Variants in KCNH2 observed in about 807,000 individuals in gnomAD.
KCNH2 encodes potassium voltage-gated channel subfamily H member 2.
Under a neutral mutation model 95.9 loss-of-function variants are expected in KCNH2, and 35 were observed. The ratio of observed to expected loss-of-function variants is 0.37; its 90% CI spans 0.28 to 0.48. The LOEUF (loss-of-function observed/expected upper bound fraction) is 0.48, where lower values mean the gene tolerates loss of function less well. Ranked by LOEUF, KCNH2 falls within the 20% of genes least tolerant of loss-of-function variation. KCNH2 has a pLI of 0.99. For synonymous variants in KCNH2, 786 were observed against 754.7 expected (o/e 1.04, Z -0.68); for missense variants, 1,274 against 1,702.9 (o/e 0.75, Z 4.43).
chr7:150,969,255 G>A (rs1357595621), intron 2 of KCNH2, among the ~76,000 whole-genome samples: 1 of 152,204 alleles, frequency 6.6e-6, no homozygotes, highest in Non-Finnish European at 1.5e-5. Context: ...CCCATAAAGT[G>A]ACGGAGAGGA....
chr7:150,945,476 C>T lies in KCNH2; in HGVS notation c.3369G>A (p.Gly1123=), dbSNP rs1800856875. 2 of 1,557,044 alleles carry T rather than the reference C, an allele frequency of 1.3e-6. No individual in the cohort carries two copies. Among genetic ancestry groups the T allele is most frequent in the Non-Finnish European group, 1.7e-6 (2 of 1,151,132 alleles). Residue 1123 remains glycine, a synonymous_variant, in exon 15 of 15, where the codon GGG becomes GGA. Coordinates refer to ENST00000262186, the MANE Select transcript of KCNH2 (RefSeq NM_000238.4). This position sits in a 1 kb window ranked among gnomAD's most constrained non-coding sequence, Gnocchi z 5.6. ...GGCCTTCTTGGGGAAGCTCTGGGGC[C>T]CCCGGGGGCAGCTCCTCACACGCCA... is the stretch of plus-strand genomic sequence containing the variant. ...QFMACEELPP[G]APELPQEGPT...
intron 2 of KCNH2, among the ~76,000 whole-genome samples, chr7:150,963,777 C>G (rs1801630821): frequency 6.6e-6 from 1 of 152,192 alleles, no homozygotes; most frequent in African/African-American, 2.4e-5. Flanking sequence ...CCTTTGGGCC[C>G]AATGGCCTGG....
intron 5 of KCNH2, among the ~76,000 whole-genome samples, chr7:150,953,120 G>A (rs1801247549): frequency 6.6e-6 from 1 of 152,136 alleles, no homozygotes. Context: ...CACTCGGCAG[G>A]AACACCCAGT....
intron 7 of KCNH2, 45 bp downstream of exon 7, chr7:150,951,403 C>T (rs1801151347): frequency 1.1e-5 from 17 of 1,610,772 alleles, no homozygotes; most frequent in African/African-American, 8.0e-5. Context: ...ACTTGGGTTC[C>T]TCCACCGTGG....
Position 150,952,891 on chromosome 7 carries a change from C to A in KCNH2, c.1129-38G>T. On this transcript the variant is annotated intron_variant, in intron 5 of 14. Coordinates refer to ENST00000262186, the MANE Select transcript of KCNH2 (RefSeq NM_000238.4). The surrounding 1 kb of genome is among the most constrained non-coding windows in gnomAD (Gnocchi z 7.3). ...AAGGCGGAGGTGTGGGTGAGGCAGGCCATGGGACCTCGGGGGCAGGAGCGA... is the reference window on the plus strand; with the variant it reads ...AAGGCGGAGGTGTGGGTGAGGCAGGACATGGGACCTCGGGGGCAGGAGCGA... 6.3e-7 allele frequency: 1 copy of A among 1,599,746 alleles called. No homozygotes were observed. The highest frequency in any genetic ancestry group is 8.5e-7 in the Non-Finnish European group (1 of 1,173,140).
intron 2 of KCNH2, among the ~76,000 whole-genome samples, chr7:150,968,980 A>G (rs1801771815): frequency 6.6e-6 from 1 of 152,146 alleles, no homozygotes; most frequent in African/African-American, 2.4e-5. Context: ...ACACCCTCAC[A>G]CCCCAAAGTG....
At chr7:150,947,568 C>T (rs370054560) in intron 12 of KCNH2, 38 bp downstream of exon 12, 7 of 1,607,866 alleles carry the variant, frequency 4.4e-6, no homozygotes, top group Non-Finnish European at 4.2e-6. Flanking sequence ...ACCGCTGCCA[C>T]GCCCGGTCCT....
In KCNH2 at chr7:150,946,542, G is replaced by A. The variant is rs1800895708; in HGVS notation, c.3330+335C>T. ...GGAGACCACCCGTGGCCGTGAGACA[G>A]GCACCACCGTTGGAGCTGGCTCTTC... On this transcript the variant is annotated intron_variant, in intron 14 of 14. Transcript: ENST00000262186. The surrounding 1 kb of genome is among the most constrained non-coding windows in gnomAD (Gnocchi z 6.5). 6.6e-6 allele frequency among the ~76,000 whole-genome samples: 1 copy of A among 152,228 alleles called. No homozygotes were observed. The highest frequency in any genetic ancestry group is 6.5e-5 in the Admixed American group (1 of 15,288).
At chr7:150,949,270 T>C in intron 9 of KCNH2, 1 of 1,292,886 alleles carries the variant, frequency 7.7e-7, no homozygotes, top group Non-Finnish European at 1.0e-6. Flanking sequence ...GAGCCCAGGG[T>C]CTCCCAGCAA....
chr7:150,959,441 C>G, intron 3 of KCNH2, 131 bp downstream of exon 3: 1 of 1,095,168 alleles, frequency 9.1e-7, no homozygotes, highest in Admixed American at 2.2e-5. Context: ...CACTTCCCAC[C>G]TCCAAAGGGG....
intron 5 of KCNH2, among the ~76,000 whole-genome samples, chr7:150,953,248 C>T (rs548954832): frequency 1.3e-5 from 2 of 152,344 alleles, no homozygotes; most frequent in African/African-American, 4.8e-5. Context: ...CCAAGGACAA[C>T]AGCTCCCAAC....
At chr7:150,967,671 C>A (rs1584875995) in intron 2 of KCNH2, among the ~76,000 whole-genome samples, 1 of 152,310 alleles carries the variant, frequency 6.6e-6, no homozygotes, top group African/African-American at 2.4e-5. Context: ...CTGAGAACAG[C>A]AAAACAATTA....
At position 150,948,909 on chromosome 7, in the gene KCNH2, C is replaced by G; in HGVS notation, c.2539G>C (p.Glu847Gln). Reference protein sequence around the residue: ...DLLEVLDMYPEFSDHFWSSLE... With the variant: ...DLLEVLDMYPQFSDHFWSSLE... ...CTGGACCAGAAGTGGTCGGAGAACT[C>G]AGGGTACATGTCCAGCACCTCCAGC... Residue 847 changes from glutamate (E) to glutamine (Q), a missense_variant, in exon 10 of 15, where the codon GAG (glutamate) becomes CAG (glutamine). Physicochemically the swap from Glu to Gln is conservative, Grantham distance 29. This residue lies in a region of KCNH2 where 159 missense variants were observed against 282.5 expected (regional missense o/e 0.56). Coordinates refer to ENST00000262186, the MANE Select transcript of KCNH2 (RefSeq NM_000238.4). 6.2e-7 allele frequency: 1 copy of G among 1,614,216 alleles called. No homozygotes were observed. The highest frequency in any genetic ancestry group is 8.5e-7 in the Non-Finnish European group (1 of 1,180,030).
intron 2 of KCNH2, among the ~76,000 whole-genome samples, chr7:150,960,286 A>G (rs1475582025): frequency 6.6e-6 from 1 of 152,216 alleles, no homozygotes; most frequent in East Asian, 1.9e-4. Context: ...TTTTCTTTTT[A>G]AAATTTTTTA....
chr7:150,973,944 C>G (rs996678636), intron 2 of KCNH2, among the ~76,000 whole-genome samples: 1 of 152,230 alleles, frequency 6.6e-6, no homozygotes, highest in Non-Finnish European at 1.5e-5. Flanking sequence ...GCCCACAGGA[C>G]CCCAGTCCTC....
At position 150,977,931 on chromosome 7, in the gene KCNH2, G is replaced by C. The variant is rs766569189; in HGVS notation, c.-18C>G. Reference sequence around the variant, plus strand: ...ACCGGCATCCTGAGCCCATGGGCGGGCCGGGCGGGCCCCCACCCACCCCGG... The same window carrying C: ...ACCGGCATCCTGAGCCCATGGGCGGCCCGGGCGGGCCCCCACCCACCCCGG... On this transcript the variant is annotated 5_prime_UTR_variant, in exon 1 of 15. Transcript: ENST00000262186. 1 of 1,576,098 alleles carries C rather than the reference G, an allele frequency of 6.3e-7. No individual in the cohort carries two copies. The highest frequency in any genetic ancestry group is 8.6e-7 in the Non-Finnish European group (1 of 1,162,620).
intron 2 of KCNH2, among the ~76,000 whole-genome samples, chr7:150,973,265 G>A (rs1269898996): frequency 1.3e-5 from 2 of 152,152 alleles, no homozygotes; most frequent in East Asian, 1.9e-4. Context: ...GCAACTACCT[G>A]GTGTCATTTT....
At chr7:150,973,159 G>T (rs1330892665) in intron 2 of KCNH2, among the ~76,000 whole-genome samples, 1 of 152,140 alleles carries the variant, frequency 6.6e-6, no homozygotes, top group Non-Finnish European at 1.5e-5. Flanking sequence ...ACAAACCCAG[G>T]ACTTATGGGT....
intron 4 of KCNH2, 57 bp downstream of exon 4, chr7:150,958,002 A>G: frequency 8.0e-7 from 1 of 1,250,166 alleles, no homozygotes; most frequent in Non-Finnish European, 1.0e-6. Flanking sequence ...GAATGCAGCA[A>G]GCCTGGCAGC....
Sources: gnomAD v4.1 joint callset for allele counts (sites outside exome capture counted in the v4.1 genomes callset) on GRCh38, gnomAD v4.1.1 for gene constraint, gnomAD v4.1.1 regional missense constraint, Gnocchi (gnomAD v3.1) non-coding constraint, MANE v1.5 for transcripts, NCBI Gene and HGNC (gene_info 2026-07-23, HGNC 2026-07-21) for gene names.